Variants in CHLSN observed in about 807,000 individuals in gnomAD.
CHLSN encodes the protein cholesin.
At chr7:1,103,222 G>A in the CHLSN span, among the ~76,000 whole-genome samples, 1 of 152,206 alleles carries the variant, frequency 6.6e-6, no homozygotes, top group Non-Finnish European at 1.5e-5. Flanking sequence ...CTCCTCCCAC[G>A]CCCGACCCTG....
the CHLSN span, among the ~76,000 whole-genome samples, chr7:978,755 G>A: frequency 2.6e-5 from 4 of 152,248 alleles, no homozygotes; most frequent in African/African-American, 4.8e-5. Flanking sequence ...TTACGTGGCC[G>A]TGTTCGCGTT....
At chr7:985,268 C>T in the CHLSN span, 11 of 1,551,856 alleles carry the variant, frequency 7.1e-6, no homozygotes, top group Admixed American at 2.0e-4. Flanking sequence ...GTGTTTGTGT[C>T]CCTGCTGGGT....
At chr7:1,071,188 CA>C in the CHLSN span, among the ~76,000 whole-genome samples, 1 of 152,358 alleles carries the variant, frequency 6.6e-6, no homozygotes, top group South Asian at 2.1e-4. Flanking sequence ...TTTCTGGTAT[CA>C]AATTTAAGTC....
chr7:1,029,695 A>G, the CHLSN span, among the ~76,000 whole-genome samples: 1 of 151,928 alleles, frequency 6.6e-6, no homozygotes, highest in South Asian at 2.1e-4. Flanking sequence ...TCCAGGACAC[A>G]CTGAGCTCTG....
the CHLSN span, among the ~76,000 whole-genome samples, chr7:1,064,107 T>C: frequency 2.0e-5 from 3 of 152,030 alleles, no homozygotes; most frequent in Non-Finnish European, 4.4e-5. Context: ...CACACATACA[T>C]GCGTGCAAGC....
the CHLSN span, among the ~76,000 whole-genome samples, chr7:1,040,408 T>A: frequency 6.6e-6 from 1 of 152,086 alleles, no homozygotes; most frequent in Non-Finnish European, 1.5e-5. Context: ...GGAGTGAGGA[T>A]TGCTTGAGCC....
chr7:1,001,334 G>T, the CHLSN span, among the ~76,000 whole-genome samples: 6 of 152,090 alleles, frequency 3.9e-5, no homozygotes, highest in African/African-American at 1.4e-4. Flanking sequence ...TGGGTGAGTG[G>T]AGTCCTGTGG....
At chr7:1,007,258 A>G in the CHLSN span, among the ~76,000 whole-genome samples, 1 of 152,234 alleles carries the variant, frequency 6.6e-6, no homozygotes, top group African/African-American at 2.4e-5. Flanking sequence ...TGGAAAGCCC[A>G]TAAGATGGCC....
the CHLSN span, among the ~76,000 whole-genome samples, chr7:1,012,327 G>C: frequency 2.6e-5 from 4 of 152,370 alleles, no homozygotes; most frequent in South Asian, 6.2e-4. Context: ...GTGAGGACGG[G>C]GCCAAGGCTG....
chr7:1,055,590 A>G, the CHLSN span: 1 of 376,792 alleles, frequency 2.7e-6, no homozygotes. Context: ...GGTGGGAGAG[A>G]GGACGCAGGG....
chr7:1,041,364 G>A, the CHLSN span, among the ~76,000 whole-genome samples: 2 of 142,826 alleles, frequency 1.4e-5, no homozygotes, highest in African/African-American at 2.6e-5. Flanking sequence ...GGGGGCCTGG[G>A]GTCCGCGCTG....
the CHLSN span, among the ~76,000 whole-genome samples, chr7:1,070,884 G>A: frequency 1.4e-5 from 2 of 143,074 alleles, no homozygotes; most frequent in Non-Finnish European, 3.0e-5. Context: ...ACGTGCACAT[G>A]CACACACGTG....
the CHLSN span, among the ~76,000 whole-genome samples, chr7:1,086,623 T>C: frequency 6.6e-6 from 1 of 152,212 alleles, no homozygotes; most frequent in South Asian, 2.1e-4. Flanking sequence ...CGAGTGCCCC[T>C]GGAGGCCCAG....
chr7:1,077,428 T>C, the CHLSN span, among the ~76,000 whole-genome samples: 1 of 152,234 alleles, frequency 6.6e-6, no homozygotes, highest in African/African-American at 2.4e-5. Flanking sequence ...GTGCTGGGAT[T>C]ACAGGCGTGA....
the CHLSN span, chr7:1,028,250 G>C: frequency 2.4e-5 from 26 of 1,095,732 alleles, no homozygotes; most frequent in Non-Finnish European, 2.9e-5. Flanking sequence ...CTGGCCCCGC[G>C]CACTGACCTC....
chr7:1,070,829 A>G, the CHLSN span, among the ~76,000 whole-genome samples: 4 of 75,564 alleles, frequency 5.3e-5, no homozygotes, highest in African/African-American at 1.6e-4. Flanking sequence ...ACGTGCACAC[A>G]TATACACACA....
the CHLSN span, among the ~76,000 whole-genome samples, chr7:1,062,776 G>A: frequency 6.6e-6 from 1 of 152,200 alleles, no homozygotes; most frequent in African/African-American, 2.4e-5. Flanking sequence ...AGAGCTGTAT[G>A]GCGGTGCGCA....
the CHLSN span, chr7:985,209 T>A: frequency 4.5e-6 from 7 of 1,561,422 alleles, no homozygotes; most frequent in African/African-American, 4.1e-5. Flanking sequence ...CTCCCTCCAA[T>A]ATCACCTTCG....
At chr7:1,028,332 G>A in the CHLSN span, 13 of 1,024,050 alleles carry the variant, frequency 1.3e-5, no homozygotes, top group Admixed American at 6.1e-5. Context: ...CGCACCGCCC[G>A]GCCCGCGCCT....
Sources: gnomAD v4.1 joint callset for allele counts (sites outside exome capture counted in the v4.1 genomes callset) on GRCh38, gnomAD v4.1.1 for gene constraint, MANE v1.5 for transcripts, NCBI Gene and HGNC (gene_info 2026-07-23, HGNC 2026-07-21) for gene names.